The following DLG2 variants were observed in gnomAD, a reference collection of about 807,000 sequenced individuals.
DLG2 encodes the protein disks large homolog 2.
In DLG2, 45 loss-of-function variants were observed where a neutral mutation model predicts 132.5. The ratio of observed to expected loss-of-function variants is 0.34; its 90% confidence interval spans 0.27 to 0.44. The LOEUF is 0.44. DLG2 is among the 20% of genes least tolerant of loss of function. The pLI, the probability that DLG2 is intolerant of heterozygous loss-of-function variation, is 1.00. For synonymous variants in DLG2, 424 were observed against 419.6 expected (o/e 1.01, Z -0.13); for missense variants, 1,045 against 1,196.9 (o/e 0.87, Z 1.87).
At chr11:85,462,183 A>G (rs917672110) in intron 3 of DLG2, among the ~76,000 whole-genome samples, 1 of 152,216 alleles carries the variant, frequency 6.6e-6, no homozygotes, top group Admixed American at 6.5e-5. Context: ...AGAAATAGGA[A>G]CACTTCTACA....
At chr11:85,113,221 A>G (rs545039814) in intron 5 of DLG2, among the ~76,000 whole-genome samples, 1 of 152,190 alleles carries the variant, frequency 6.6e-6, no homozygotes, top group East Asian at 1.9e-4. Flanking sequence ...GCTTGCTGCC[A>G]TGAAATGCTC....
At chr11:83,948,921 C>T (rs1307629985) in intron 14 of DLG2, among the ~76,000 whole-genome samples, 1 of 152,150 alleles carries the variant, frequency 6.6e-6, no homozygotes, top group Non-Finnish European at 1.5e-5. Context: ...ATCTTTCTTG[C>T]TTCTGCTTAC....
At chr11:84,151,454 C>A (rs1596211020) in intron 9 of DLG2, among the ~76,000 whole-genome samples, 1 of 151,958 alleles carries the variant, frequency 6.6e-6, no homozygotes, top group South Asian at 2.1e-4. Context: ...TTCTCTTATT[C>A]TGGCTAGTGG....
At chr11:84,537,960 A>G (rs1346149658) in intron 6 of DLG2, among the ~76,000 whole-genome samples, 1 of 152,242 alleles carries the variant, frequency 6.6e-6, no homozygotes, top group African/African-American at 2.4e-5. Context: ...TGCTTGACAC[A>G]ATCTAAAAGG....
At chr11:83,736,757 T>C (rs554946117) in intron 18 of DLG2, among the ~76,000 whole-genome samples, 1 of 152,146 alleles carries the variant, frequency 6.6e-6, no homozygotes, top group Non-Finnish European at 1.5e-5. Flanking sequence ...AAAAAAAGCA[T>C]CCAAACTTGA....
At chr11:84,891,128 C>T (rs1339843827) in intron 6 of DLG2, among the ~76,000 whole-genome samples, 1 of 152,100 alleles carries the variant, frequency 6.6e-6, no homozygotes, top group Admixed American at 6.6e-5. Context: ...TGTTAGATTT[C>T]CCTTTGGCAT....
intron 6 of DLG2, among the ~76,000 whole-genome samples, chr11:84,843,431 A>C (rs2080965133): frequency 6.6e-6 from 1 of 151,864 alleles, no homozygotes; most frequent in African/African-American, 2.4e-5. Flanking sequence ...TATTACTGGA[A>C]TATGATAAAC....
intron 6 of DLG2, among the ~76,000 whole-genome samples, chr11:84,993,837 G>A (rs1172717975): frequency 6.6e-6 from 1 of 152,074 alleles, no homozygotes; most frequent in Non-Finnish European, 1.5e-5. Flanking sequence ...AGCTGGACTG[G>A]CAGAGCAGAA....
intron 6 of DLG2, among the ~76,000 whole-genome samples, chr11:84,681,626 A>G (rs1164196937): frequency 1.3e-5 from 2 of 152,132 alleles, no homozygotes; most frequent in African/African-American, 2.4e-5. Flanking sequence ...CATGCTTTCA[A>G]TTAATGCTTG....
intron 6 of DLG2, among the ~76,000 whole-genome samples, chr11:84,919,926 A>G (rs2092679529): frequency 6.6e-6 from 1 of 152,214 alleles, no homozygotes; most frequent in African/African-American, 2.4e-5. Context: ...ACTAAAACTA[A>G]ATTGTATTTT....
intron 3 of DLG2, among the ~76,000 whole-genome samples, chr11:85,549,862 C>G (rs767161175): frequency 6.6e-6 from 1 of 152,168 alleles, no homozygotes; most frequent in Non-Finnish European, 1.5e-5. Flanking sequence ...GCCATGGCAA[C>G]ATCAGAAAGT....
chr11:83,893,326 C>T (rs1291450236), intron 15 of DLG2, among the ~76,000 whole-genome samples: 1 of 152,196 alleles, frequency 6.6e-6, no homozygotes, highest in Non-Finnish European at 1.5e-5. Context: ...GAATAAAATA[C>T]ACAGTCCCTT....
At chr11:84,247,506 T>TA (rs1476063195) in intron 8 of DLG2, among the ~76,000 whole-genome samples, 3 of 152,154 alleles carry the variant, frequency 2.0e-5, no homozygotes, top group Non-Finnish European at 4.4e-5. Flanking sequence ...TGGGTGATTT[T>TA]AATTTTCATA....
intron 6 of DLG2, among the ~76,000 whole-genome samples, chr11:85,083,014 G>A (rs974730343): frequency 6.6e-6 from 1 of 151,986 alleles, no homozygotes; most frequent in Non-Finnish European, 1.5e-5. Context: ...ACCAAGGAAT[G>A]GGGCCCAGAC....
chr11:84,234,005 C>T (rs1202654303), intron 8 of DLG2, among the ~76,000 whole-genome samples: 1 of 152,164 alleles, frequency 6.6e-6, no homozygotes, highest in African/African-American at 2.4e-5. Context: ...CAAAGATACA[C>T]ATTAAGAGGC....
intron 7 of DLG2, among the ~76,000 whole-genome samples, chr11:84,451,914 G>C (rs1316937837): frequency 1.3e-5 from 2 of 151,612 alleles, no homozygotes; most frequent in Non-Finnish European, 3.0e-5. Context: ...AAGATATCTG[G>C]GGAAAGAGTA....
intron 4 of DLG2, among the ~76,000 whole-genome samples, chr11:85,213,362 T>A (rs2082370837): frequency 6.6e-6 from 1 of 151,982 alleles, no homozygotes; most frequent in Non-Finnish European, 1.5e-5. Context: ...AAGATGTACA[T>A]TGGTTTAGTC....
At chr11:83,674,007 C>T (rs566786544) in intron 18 of DLG2, among the ~76,000 whole-genome samples, 3 of 152,320 alleles carry the variant, frequency 2.0e-5, no homozygotes, top group South Asian at 2.1e-4. Flanking sequence ...CCTTAAACAT[C>T]TTAATACTTA....
intron 3 of DLG2, among the ~76,000 whole-genome samples, chr11:85,304,266 A>G (rs2079796008): frequency 6.6e-6 from 1 of 152,180 alleles, no homozygotes; most frequent in Admixed American, 6.5e-5. Context: ...AGCAATATAA[A>G]AGGAAAGTAG....
Sources: allele counts gnomAD v4.1 joint callset (sites outside exome capture counted in the v4.1 genomes callset), GRCh38; gene constraint gnomAD v4.1.1; transcripts MANE v1.5; gene names NCBI Gene and HGNC (gene_info 2026-07-23, HGNC 2026-07-21).